The following TSNARE1 variants were observed in gnomAD, a reference collection of about 807,000 sequenced individuals.
TSNARE1 encodes the protein t-SNARE domain-containing protein 1.
In TSNARE1, 49 loss-of-function variants were observed where a neutral mutation model predicts 62.0. The ratio of observed to expected loss-of-function variants is 0.79; its 90% CI spans 0.63 to 1.00. TSNARE1 has a LOEUF of 1.00. TSNARE1 is among the 50% of genes least tolerant of loss of function. TSNARE1 has a pLI of 0.00. For synonymous variants in TSNARE1, 328 were observed against 294.4 expected, an observed-to-expected ratio of 1.11 and a Z score of -1.17; for missense variants, 755 against 700.1, an observed-to-expected ratio of 1.08 and a Z score of -0.88.
At position 142,272,513 on chromosome 8, in the gene TSNARE1, G is replaced by C. The variant is rs549681516; in HGVS notation, c.1446+2268C>G. On this transcript the variant is annotated intron_variant, in intron 12 of 13. Coordinates refer to ENST00000524325, the MANE Select transcript of TSNARE1 (RefSeq NM_145003.5). ...TCCTTCTTCCATCCATCCACCACCC[G>C]TCTACAGCTTCCTCCTTCCATCTAC... 1.6e-5 allele frequency: 4 copies of C among 247,874 alleles called. No homozygotes were observed. The African/African-American group carries it at 3.2e-4, about 20-fold the overall frequency. The allele number at this position is 247,874 out of a possible 1,614,324, so 15.4% of individuals were successfully genotyped here.
chr8:142,356,307 C>A (rs1414767147), intron 1 of TSNARE1, among the ~76,000 whole-genome samples: 1 of 152,182 alleles, frequency 6.6e-6, no homozygotes, highest in Non-Finnish European at 1.5e-5. Flanking sequence ...AGGTCTCAGG[C>A]CTCGCATCCC....
At chr8:142,299,589 A>C (rs959906589) in intron 10 of TSNARE1, among the ~76,000 whole-genome samples, 1 of 152,194 alleles carries the variant, frequency 6.6e-6, no homozygotes, top group African/African-American at 2.4e-5. Context: ...AAGAGAGAAG[A>C]GGCTCACTCA....
intron 4 of TSNARE1, among the ~76,000 whole-genome samples, chr8:142,336,118 T>TA (rs1175428894): frequency 6.6e-6 from 1 of 151,786 alleles, no homozygotes; most frequent in Non-Finnish European, 1.5e-5. Context: ...TCTCTTTCTA[T>TA]AAAAAAATAA....
chr8:142,361,011 G>C (rs1417390802), intron 1 of TSNARE1, among the ~76,000 whole-genome samples: 1 of 152,144 alleles, frequency 6.6e-6, no homozygotes, highest in East Asian at 1.9e-4. Flanking sequence ...AGCGTTCCCC[G>C]GGCCGGGGCT....
At chr8:142,364,697 C>T (rs1835408752) in intron 1 of TSNARE1, among the ~76,000 whole-genome samples, 1 of 152,236 alleles carries the variant, frequency 6.6e-6, no homozygotes, top group Non-Finnish European at 1.5e-5. Context: ...AAAGGTGGGG[C>T]ATCTAAAAAG....
In TSNARE1 at chr8:142,380,595, GGC is replaced by G. The variant is rs369734590; in HGVS notation, c.-40+22507_-40+22508del. On this transcript the variant is annotated intron_variant, in intron 1 of 13. Transcript: ENST00000524325. The stretch of plus-strand genomic sequence containing the variant: ...CATGGGGCTCCCCAGCCAGACTGTA[GGC>G]TCCCTGCAGAGCCCCTCCCTCTGTC... Among the ~76,000 whole-genome samples the G allele has an allele frequency of 6.9e-3, 1,041 of 150,852 alleles. 9 individuals carry two copies. Among genetic ancestry groups the G allele is most frequent in the African/African-American group, 0.024 (980 of 41,012 alleles).
intron 1 of TSNARE1, among the ~76,000 whole-genome samples, chr8:142,380,775 ACGG>A (rs1836681968): frequency 6.6e-6 from 1 of 152,148 alleles, no homozygotes. Flanking sequence ...GCCACCAGGG[ACGG>A]CCCACGGCGG....
intron 1 of TSNARE1, among the ~76,000 whole-genome samples, chr8:142,386,841 C>CA (rs1386883158): frequency 6.6e-6 from 1 of 152,170 alleles, no homozygotes; most frequent in African/African-American, 2.4e-5. Context: ...CAAGGAGAAA[C>CA]AGACAGAAAC....
At chr8:142,255,725 C>A (rs1185750446) in intron 12 of TSNARE1, among the ~76,000 whole-genome samples, 2 of 35,142 alleles carry the variant, frequency 5.7e-5, no homozygotes, top group African/African-American at 1.6e-4. Context: ...ATCACCATCA[C>A]CACCACCACC....
chr8:142,287,995 G>A (rs1301465353), intron 10 of TSNARE1, among the ~76,000 whole-genome samples: 1 of 152,258 alleles, frequency 6.6e-6, no homozygotes, highest in Non-Finnish European at 1.5e-5. Context: ...CACCAGCATG[G>A]GATGGGCCTT....
At chr8:142,295,232 G>A (rs942751798) in intron 10 of TSNARE1, among the ~76,000 whole-genome samples, 1 of 152,214 alleles carries the variant, frequency 6.6e-6, no homozygotes, top group African/African-American at 2.4e-5. Flanking sequence ...TCTGGGAGAT[G>A]GTGGGCAGCC....
intron 1 of TSNARE1, among the ~76,000 whole-genome samples, chr8:142,381,458 ACCTATCAGCGC>A (rs1414732967): frequency 6.9e-6 from 1 of 145,782 alleles, no homozygotes; most frequent in Admixed American, 6.9e-5. Context: ...CCTTGCTAAA[ACCTATCAGCGC>A]CCCCCCCCAC....
intron 13 of TSNARE1, among the ~76,000 whole-genome samples, chr8:142,222,756 T>A (rs1337866426): frequency 2.1e-5 from 2 of 96,322 alleles, no homozygotes; most frequent in Non-Finnish European, 4.2e-5. Context: ...ACTCATCCAC[T>A]CACTCACTCA....
rs140491755 is a variant in TSNARE1 at position 142,361,723 on chromosome 8, C to T, written c.-39-6960G>A. ...GCCAGTGGAACACATGCTACCTTCA[C>T]ACTCCCTAAATGAACCTCAGGCGAG... On this transcript the variant is annotated intron_variant, in intron 1 of 13. Coordinates refer to ENST00000524325, the MANE Select transcript of TSNARE1 (RefSeq NM_145003.5). 2.3e-3 allele frequency among the ~76,000 whole-genome samples: 353 copies of T among 152,292 alleles called. 1 individual carries two copies. Among genetic ancestry groups the T allele is most frequent in the South Asian group, 0.02 (95 of 4,830 alleles).
chr8:142,270,454 C>T, intron 12 of TSNARE1: 1 of 982,082 alleles, frequency 1.0e-6, no homozygotes, highest in South Asian at 4.8e-5. Context: ...TCATCCCAGC[C>T]CCATACAGTA....
intron 10 of TSNARE1, among the ~76,000 whole-genome samples, chr8:142,297,463 C>A (rs1266960294): frequency 1.3e-5 from 2 of 152,238 alleles, no homozygotes; most frequent in Non-Finnish European, 2.9e-5. Flanking sequence ...ACAAAGGGGG[C>A]TCTCTCTCAG....
At chr8:142,275,055 A>G (rs1820227697) in intron 11 of TSNARE1, 192 bp from the exon 12 acceptor site, 1 of 985,324 alleles carries the variant, frequency 1.0e-6, no homozygotes, top group Non-Finnish European at 1.2e-6. Flanking sequence ...CAGCAATGAC[A>G]TTAGAACGGA....
At chr8:142,288,225 G>A (rs987078583) in intron 10 of TSNARE1, among the ~76,000 whole-genome samples, 1 of 152,232 alleles carries the variant, frequency 6.6e-6, no homozygotes, top group Non-Finnish European at 1.5e-5. Context: ...GGGGCGGGGT[G>A]GAAGAGGGGC....
At chr8:142,215,518 C>A (rs1207617301) in intron 13 of TSNARE1, among the ~76,000 whole-genome samples, 1 of 152,174 alleles carries the variant, frequency 6.6e-6, no homozygotes, top group African/African-American at 2.4e-5. Flanking sequence ...TCCACCACCA[C>A]CCCTCAGCCT....
Sources: gnomAD v4.1 joint callset for allele counts (sites outside exome capture counted in the v4.1 genomes callset) on GRCh38, gnomAD v4.1.1 for gene constraint, MANE v1.5 for transcripts, NCBI Gene and HGNC (gene_info 2026-07-23, HGNC 2026-07-21) for gene names.